CTNNA2: variants seen among roughly 807,000 people sequenced by gnomAD.
The protein encoded by CTNNA2 is catenin alpha-2.
A neutral mutation model predicts 101.0 loss-of-function variants in CTNNA2; 42 were observed. That is an observed-to-expected ratio of 0.42 (90% CI 0.32 to 0.54). CTNNA2 has a LOEUF of 0.54. Ranked by LOEUF, CTNNA2 falls within the 20% of genes least tolerant of loss-of-function variation. The pLI is 0.14. For synonymous variants in CTNNA2, 450 were observed against 456.4 expected, an observed-to-expected ratio of 0.99 and a Z score of 0.18; for missense variants, 871 against 1,223.1, an observed-to-expected ratio of 0.71 and a Z score of 4.29.
At chr2:79,454,929 C>A (rs1453477965) in intron 4 of CTNNA2, among the ~76,000 whole-genome samples, 2 of 152,126 alleles carry the variant, frequency 1.3e-5, no homozygotes, top group African/African-American at 2.4e-5. Flanking sequence ...TTATATAAAT[C>A]TTAACTACAA....
At chr2:79,822,448 C>T (rs1215966373) in intron 3 of CTNNA2, among the ~76,000 whole-genome samples, 1 of 152,090 alleles carries the variant, frequency 6.6e-6, no homozygotes, top group East Asian at 1.9e-4. Flanking sequence ...AATCTTATAG[C>T]ACTGTGTCAA....
intron 3 of CTNNA2, among the ~76,000 whole-genome samples, chr2:79,759,324 C>A (rs765118690): frequency 6.6e-6 from 1 of 151,976 alleles, no homozygotes; most frequent in African/African-American, 2.4e-5. Context: ...ACCTGGGAGG[C>A]GGAGGTTGCA....
chr2:80,057,312 A>G (rs1420951717), intron 7 of CTNNA2, among the ~76,000 whole-genome samples: 1 of 152,208 alleles, frequency 6.6e-6, no homozygotes, highest in Non-Finnish European at 1.5e-5. Flanking sequence ...GGACAAGATA[A>G]TGAAATCACT....
intron 7 of CTNNA2, among the ~76,000 whole-genome samples, chr2:80,064,538 C>G (rs530952139): frequency 3.9e-5 from 6 of 152,202 alleles, no homozygotes; most frequent in Non-Finnish European, 5.9e-5. Context: ...CCTGAGCTTG[C>G]TCTTGAAGCT....
intron 7 of CTNNA2, among the ~76,000 whole-genome samples, chr2:80,105,281 A>G (rs552341410): frequency 6.6e-6 from 1 of 152,196 alleles, no homozygotes; most frequent in African/African-American, 2.4e-5. Flanking sequence ...GTGATACTAT[A>G]TGCAGTCCTA....
intron 2 of CTNNA2, among the ~76,000 whole-genome samples, chr2:79,661,857 T>A (rs57475482): frequency 4.0e-5 from 6 of 151,600 alleles, no homozygotes; most frequent in African/African-American, 9.7e-5. Flanking sequence ...TCTTACAGAT[T>A]AAAAAAAAGA....
At chr2:79,544,003 A>C (rs2104005365) in intron 1 of CTNNA2, among the ~76,000 whole-genome samples, 1 of 152,022 alleles carries the variant, frequency 6.6e-6, no homozygotes, top group East Asian at 1.9e-4. Context: ...CAGTGGTATG[A>C]TCTCGGGTCG....
intron 9 of CTNNA2, among the ~76,000 whole-genome samples, chr2:80,531,611 A>G (rs1277297653): frequency 1.3e-5 from 2 of 152,162 alleles, no homozygotes; most frequent in Non-Finnish European, 2.9e-5. Flanking sequence ...AGAATATCCT[A>G]GAGGTCCTTC....
intron 2 of CTNNA2, among the ~76,000 whole-genome samples, chr2:79,719,297 T>C (rs1341337061): frequency 6.6e-5 from 10 of 152,234 alleles, no homozygotes; most frequent in Non-Finnish European, 1.5e-4. Flanking sequence ...CCACATTTTC[T>C]TTATCCAATC....
intron 15 of CTNNA2, among the ~76,000 whole-genome samples, chr2:80,598,683 C>T (rs1045744565): frequency 3.3e-5 from 5 of 152,154 alleles, no homozygotes; most frequent in African/African-American, 1.2e-4. Flanking sequence ...TATGTTACAT[C>T]TATGCCACAG....
At chr2:79,523,109 C>T (rs1357407682) in intron 1 of CTNNA2, 8 of 299,368 alleles carry the variant, frequency 2.7e-5, no homozygotes, top group South Asian at 2.0e-4. Flanking sequence ...TATATCTAAG[C>T]GTTTCCTGCC....
intron 3 of CTNNA2, among the ~76,000 whole-genome samples, chr2:79,325,539 C>T (rs937471619): frequency 6.6e-6 from 1 of 152,224 alleles, no homozygotes; most frequent in African/African-American, 2.4e-5. Flanking sequence ...AAGATAGTCA[C>T]TGTCCCAGGT....
chr2:79,275,315 G>A (rs563759881), intron 2 of CTNNA2, among the ~76,000 whole-genome samples: 4 of 152,100 alleles, frequency 2.6e-5, no homozygotes, highest in South Asian at 4.1e-4. Context: ...TAATCTAGAT[G>A]GGGTGGACTG....
At chr2:79,432,974 C>A (rs1171860237) in intron 4 of CTNNA2, among the ~76,000 whole-genome samples, 1 of 152,186 alleles carries the variant, frequency 6.6e-6, no homozygotes, top group African/African-American at 2.4e-5. Context: ...CCTGGGCTGT[C>A]CCTGTTTGTC....
intron 14 of CTNNA2, among the ~76,000 whole-genome samples, chr2:80,587,319 A>C (rs1247149492): frequency 6.6e-6 from 1 of 152,048 alleles, no homozygotes; most frequent in African/African-American, 2.4e-5. Context: ...AGTTGCATAG[A>C]CCCCGAGCCC....
At chr2:79,617,828 C>T (rs1304890570) in intron 1 of CTNNA2, among the ~76,000 whole-genome samples, 1 of 152,140 alleles carries the variant, frequency 6.6e-6, no homozygotes, top group East Asian at 1.9e-4. Context: ...TTCTTTCCCT[C>T]GCTACTTCAG....
intron 4 of CTNNA2, among the ~76,000 whole-genome samples, chr2:79,497,242 G>C (rs145927606): frequency 5.9e-5 from 9 of 152,268 alleles, no homozygotes; most frequent in African/African-American, 2.2e-4. Context: ...AGCTCACAAC[G>C]TCTCTCTGTT....
chr2:80,357,534 A>G (rs1673957079), intron 7 of CTNNA2, among the ~76,000 whole-genome samples: 1 of 152,072 alleles, frequency 6.6e-6, no homozygotes, highest in Non-Finnish European at 1.5e-5. Flanking sequence ...GAATTGACAG[A>G]TAGATGGAAC....
intron 8 of CTNNA2, among the ~76,000 whole-genome samples, chr2:80,418,738 CA>C (rs920836567): frequency 1.3e-5 from 2 of 152,118 alleles, no homozygotes; most frequent in Non-Finnish European, 2.9e-5. Context: ...ATGAACAAAA[CA>C]GCACCAAGGT....
Sources: allele counts gnomAD v4.1 joint callset (sites outside exome capture counted in the v4.1 genomes callset), GRCh38; gene constraint gnomAD v4.1.1; transcripts MANE v1.5; gene names NCBI Gene and HGNC (gene_info 2026-07-23, HGNC 2026-07-21).